TMTC1: variants seen among roughly 807,000 people sequenced by gnomAD.
TMTC1 encodes protein O-mannosyl-transferase TMTC1.
In TMTC1, 73 loss-of-function variants were observed where a neutral mutation model predicts 104.8. The observed-to-expected ratio is 0.70, with a 90% CI of 0.58 to 0.85. TMTC1 has a LOEUF of 0.85. Ranked by LOEUF, TMTC1 falls within the 40% of genes least tolerant of loss-of-function variation. The pLI is 0.00. For missense variants in TMTC1, 1,035 were observed against 1,096.1 expected (o/e 0.94, Z 0.79); for synonymous variants, 434 against 428.7 (o/e 1.01, Z -0.15).
chr12:29,664,886 A>G (rs1348824080), intron 5 of TMTC1, among the ~76,000 whole-genome samples: 1 of 152,230 alleles, frequency 6.6e-6, no homozygotes, highest in African/African-American at 2.4e-5. Context: ...AAGCCAGAGA[A>G]CATGTCAACA....
chr12:29,607,809 T>C (rs1592314499), intron 6 of TMTC1, among the ~76,000 whole-genome samples: 1 of 152,186 alleles, frequency 6.6e-6, no homozygotes, highest in East Asian at 1.9e-4. Context: ...TGCCTGAGCG[T>C]TGAATGTAGT....
intron 10 of TMTC1, among the ~76,000 whole-genome samples, chr12:29,540,234 T>C (rs1426195533): frequency 3.9e-5 from 6 of 152,050 alleles, no homozygotes; most frequent in Non-Finnish European, 8.8e-5. Flanking sequence ...TGCAGACAAG[T>C]TTTTTAAGCT....
At position 29,572,754 on chromosome 12, in the gene TMTC1, G is replaced by A. The variant is rs80104200; in HGVS notation, c.1419-536C>T. The stretch of plus-strand genomic sequence containing the variant: ...TTACAAACGCTTTTCCTTCTAGGGA[G>A]AATTACAGCATTGGGCCAGCCGTTT... On this transcript the variant is annotated intron_variant, in intron 8 of 17. Transcript: ENST00000539277. Among the ~76,000 whole-genome samples, 921 of 152,352 alleles carry A rather than the reference G, an allele frequency of 6.0e-3. 7 individuals are homozygous for A. Among genetic ancestry groups the A allele is most frequent in the Non-Finnish European group, 9.0e-3 (612 of 68,036 alleles).
intron 10 of TMTC1, among the ~76,000 whole-genome samples, chr12:29,556,399 C>T (rs182417236): frequency 1.3e-5 from 2 of 152,324 alleles, no homozygotes; most frequent in African/African-American, 2.4e-5. Flanking sequence ...GAGAATGCTG[C>T]TTTTCCCAAA....
At chr12:29,710,575 G>GTA (rs1207186932) in intron 5 of TMTC1, among the ~76,000 whole-genome samples, 1 of 140,270 alleles carries the variant, frequency 7.1e-6, no homozygotes, top group African/African-American at 2.6e-5. Context: ...TGTATATAAT[G>GTA]TATATATATT....
chr12:29,551,548 T>TAC (rs1945103243), intron 10 of TMTC1, among the ~76,000 whole-genome samples: 1 of 152,210 alleles, frequency 6.6e-6, no homozygotes, highest in Admixed American at 6.5e-5. Flanking sequence ...ACTCATATTC[T>TAC]ATTATGTGAA....
At chr12:29,638,180 C>A (rs2136528884) in intron 5 of TMTC1, among the ~76,000 whole-genome samples, 1 of 152,194 alleles carries the variant, frequency 6.6e-6, no homozygotes, top group Admixed American at 6.5e-5. Flanking sequence ...GTTGCATTTT[C>A]CAAAACCCCT....
At chr12:29,746,343 C>T (rs962679853) in intron 5 of TMTC1, among the ~76,000 whole-genome samples, 1 of 152,070 alleles carries the variant, frequency 6.6e-6, no homozygotes, top group African/African-American at 2.4e-5. Context: ...GAAAGAGAAC[C>T]CAGTTATTAT....
At chr12:29,750,576 A>G (rs573998727) in intron 5 of TMTC1, among the ~76,000 whole-genome samples, 44 of 152,372 alleles carry the variant, frequency 2.9e-4, no homozygotes, top group African/African-American at 1.0e-3. Flanking sequence ...GCAAGATAAA[A>G]AAACAAACAT....
At position 29,518,554 on chromosome 12, in the gene TMTC1, T is replaced by G. The variant is rs1944056277; in HGVS notation, c.1942A>C (p.Ser648Arg). The change falls in exon 13 of 18, where the codon AGT (serine) becomes CGT (arginine). Residue 648 changes from serine (S) to arginine (R), a missense_variant. Coordinates refer to ENST00000539277, the MANE Select transcript of TMTC1 (RefSeq NM_001193451.2). ...AAGTTCACCATGGCCACGTGATGAC[T>G]GGGGCTAAGTTTGATGGCCTGCTGG... ...HYQQAIKLSP[S>R]HHVAMVNLGR... 6.2e-7 allele frequency: 1 copy of G among 1,614,152 alleles called. No individual in the cohort carries two copies.
At chr12:29,567,749 A>G (rs951499470) in intron 9 of TMTC1, among the ~76,000 whole-genome samples, 2 of 152,120 alleles carry the variant, frequency 1.3e-5, no homozygotes, top group African/African-American at 2.4e-5. Context: ...TTTTTAAAAT[A>G]CTCATTGACT....
intron 7 of TMTC1, among the ~76,000 whole-genome samples, chr12:29,595,001 C>T (rs1006170455): frequency 1.3e-5 from 2 of 152,334 alleles, no homozygotes; most frequent in Admixed American, 6.5e-5. Context: ...TTCACCCAAT[C>T]TCATTTGCAC....
chr12:29,715,327 CT>C (rs1051359623), intron 5 of TMTC1, among the ~76,000 whole-genome samples: 4 of 152,050 alleles, frequency 2.6e-5, no homozygotes, highest in Admixed American at 2.0e-4. Context: ...TCATCTACCC[CT>C]ATATATGAAA....
chr12:29,554,814 T>C (rs1268906259), intron 10 of TMTC1, among the ~76,000 whole-genome samples: 5 of 152,132 alleles, frequency 3.3e-5, no homozygotes, highest in African/African-American at 4.8e-5. Context: ...CACTGAACTC[T>C]AGCCTGGGTG....
chr12:29,666,683 G>T (rs1940300896), intron 5 of TMTC1, among the ~76,000 whole-genome samples: 1 of 152,076 alleles, frequency 6.6e-6, no homozygotes, highest in Non-Finnish European at 1.5e-5. Context: ...CCCTTACCCG[G>T]AATACTAATG....
chr12:29,728,641 G>A (rs1039271799), intron 5 of TMTC1, among the ~76,000 whole-genome samples: 11 of 151,992 alleles, frequency 7.2e-5, no homozygotes, highest in Non-Finnish European at 1.5e-4. Context: ...CCTCATGACC[G>A]CTGAACCAGG....
chr12:29,644,183 T>C, intron 5 of TMTC1, among the ~76,000 whole-genome samples: 1 of 140,366 alleles, frequency 7.1e-6, no homozygotes. Flanking sequence ...TAAACAGCCA[T>C]AAAAAGGAAT....
intron 5 of TMTC1, among the ~76,000 whole-genome samples, chr12:29,644,885 C>G (rs1939198799): frequency 6.6e-6 from 1 of 152,164 alleles, no homozygotes; most frequent in Admixed American, 6.5e-5. Flanking sequence ...ACTCCAACTC[C>G]TCTGGATCCT....
intron 5 of TMTC1, among the ~76,000 whole-genome samples, chr12:29,738,605 C>T (rs1475130342): frequency 6.6e-6 from 1 of 152,138 alleles, no homozygotes; most frequent in African/African-American, 2.4e-5. Context: ...ATTATCTGCT[C>T]TAGTACAAAA....
Sources: allele counts gnomAD v4.1 joint callset (sites outside exome capture counted in the v4.1 genomes callset), GRCh38; gene constraint gnomAD v4.1.1; transcripts MANE v1.5; gene names NCBI Gene and HGNC (gene_info 2026-07-23, HGNC 2026-07-21).